SLC8A1: variants seen among roughly 807,000 people sequenced by gnomAD.
SLC8A1 encodes the protein sodium/calcium exchanger 1.
SLC8A1 carries 18 observed loss-of-function variants against 68.3 expected under a neutral mutation model. That is an observed-to-expected ratio of 0.26 (90% CI 0.18 to 0.39). The LOEUF is 0.39. SLC8A1 is among the 10% of genes least tolerant of loss of function. SLC8A1 has a pLI of 1.00. For synonymous variants in SLC8A1, 475 were observed against 415.5 expected (o/e 1.14, Z -1.74); for missense variants, 985 against 1,156.7 (o/e 0.85, Z 2.15).
At position 40,424,523 on chromosome 2, in the gene SLC8A1, C is replaced by T. The variant is rs148902681; in HGVS notation, c.1808+3950G>A. Among the ~76,000 whole-genome samples the T allele has an allele frequency of 2.4e-4, 36 of 151,760 alleles. No homozygotes were observed. The East Asian group carries it at 6.2e-3, about 26-fold the overall frequency. On this transcript the variant is annotated intron_variant, in intron 2 of 7. Coordinates refer to ENST00000406785, the Ensembl canonical transcript of SLC8A1. Reference sequence around the variant, plus strand: ...AGTAAAATGTGATATAAATATTGAGCATCAGACAGCTATATTGGTTAAGAT... The same window carrying T: ...AGTAAAATGTGATATAAATATTGAGTATCAGACAGCTATATTGGTTAAGAT...
At chr2:40,422,277 T>A (rs1695724665) in intron 2 of SLC8A1, among the ~76,000 whole-genome samples, 1 of 152,106 alleles carries the variant, frequency 6.6e-6, no homozygotes, top group African/African-American at 2.4e-5. Flanking sequence ...AAACAGTAAA[T>A]CTCCAATGGT....
chr2:40,155,010 T>A (rs1166343596), intron 6 of SLC8A1, among the ~76,000 whole-genome samples: 1 of 152,192 alleles, frequency 6.6e-6, no homozygotes, highest in Non-Finnish European at 1.5e-5. Context: ...ATTATGAATG[T>A]TGATATCACA....
intron 2 of SLC8A1, among the ~76,000 whole-genome samples, chr2:40,263,709 A>G (rs565265845): frequency 8.9e-4 from 136 of 152,276 alleles, no homozygotes; most frequent in Non-Finnish European, 1.5e-3. Flanking sequence ...ACAAAAATTA[A>G]TTCAAGATGG....
At chr2:40,436,722 C>T (rs547969472) in intron 1 of SLC8A1, among the ~76,000 whole-genome samples, 1 of 152,098 alleles carries the variant, frequency 6.6e-6, no homozygotes, top group Admixed American at 6.5e-5. Flanking sequence ...GGAAAGAACA[C>T]CAAGCATTTA....
intron 1 of SLC8A1, among the ~76,000 whole-genome samples, chr2:40,474,073 T>C (rs1419540020): frequency 1.3e-5 from 2 of 152,192 alleles, no homozygotes; most frequent in African/African-American, 4.8e-5. Flanking sequence ...GTCCTTTCTG[T>C]AGTGCAAATG....
chr2:40,466,760 T>C (rs1057334768), intron 1 of SLC8A1, among the ~76,000 whole-genome samples: 1 of 152,116 alleles, frequency 6.6e-6, no homozygotes, highest in Non-Finnish European at 1.5e-5. Context: ...GTCTTTTTTC[T>C]CCCTAAGGAG....
chr2:40,194,362 C>T (rs1204664863), intron 2 of SLC8A1, among the ~76,000 whole-genome samples: 1 of 151,482 alleles, frequency 6.6e-6, no homozygotes, highest in Non-Finnish European at 1.5e-5. Flanking sequence ...GAATTACAAC[C>T]AAGATGATAT....
intron 1 of SLC8A1, among the ~76,000 whole-genome samples, chr2:40,437,021 C>G (rs1398294271): frequency 1.3e-5 from 2 of 152,126 alleles, no homozygotes; most frequent in South Asian, 2.1e-4. Flanking sequence ...TTTGTATTCA[C>G]TGTCCCTGAC....
chr2:40,237,746 T>G, intron 2 of SLC8A1, among the ~76,000 whole-genome samples: 1 of 152,122 alleles, frequency 6.6e-6, no homozygotes, highest in Non-Finnish European at 1.5e-5. Context: ...TTATCTACTT[T>G]TGGTCTTTGA....
chr2:40,160,420 A>T (rs1264879342), intron 6 of SLC8A1, among the ~76,000 whole-genome samples: 1 of 151,930 alleles, frequency 6.6e-6, no homozygotes, highest in Non-Finnish European at 1.5e-5. Flanking sequence ...TTTTTTCTTG[A>T]CCTTGACTTG....
intron 1 of SLC8A1, among the ~76,000 whole-genome samples, chr2:40,445,784 C>G (rs1701326291): frequency 2.0e-5 from 3 of 152,164 alleles, no homozygotes; most frequent in South Asian, 4.1e-4. Context: ...CAAATTTCAG[C>G]TTTGAAGGGT....
chr2:40,288,853 G>GTA (rs779876861), intron 2 of SLC8A1, among the ~76,000 whole-genome samples: 3 of 121,626 alleles, frequency 2.5e-5, no homozygotes, highest in African/African-American at 4.6e-5. Context: ...ATATATATAT[G>GTA]TATATATATG....
chr2:40,459,502 G>T (rs577122577), intron 1 of SLC8A1, among the ~76,000 whole-genome samples: 3 of 152,258 alleles, frequency 2.0e-5, no homozygotes, highest in African/African-American at 7.2e-5. Context: ...GTACCACTGC[G>T]TTTTGGAGCA....
intron 2 of SLC8A1, among the ~76,000 whole-genome samples, chr2:40,420,410 C>CTGCATTCAT (rs1298791721): frequency 1.3e-5 from 2 of 150,254 alleles, no homozygotes; most frequent in Non-Finnish European, 3.0e-5. Context: ...CGAAGAAAAG[C>CTGCATTCAT]TGCATTCATT....
intron 2 of SLC8A1, among the ~76,000 whole-genome samples, chr2:40,380,163 C>T (rs551654646): frequency 9.9e-5 from 15 of 152,128 alleles, no homozygotes; most frequent in Admixed American, 2.0e-4. Flanking sequence ...AGAGGTAAAC[C>T]GAACAAGTAT....
At chr2:40,224,108 G>C (rs1024710196) in intron 2 of SLC8A1, among the ~76,000 whole-genome samples, 3 of 152,150 alleles carry the variant, frequency 2.0e-5, no homozygotes, top group African/African-American at 4.8e-5. Flanking sequence ...CATACATGAT[G>C]TTGCTCGGCA....
intron 2 of SLC8A1, among the ~76,000 whole-genome samples, chr2:40,333,722 C>T (rs899781783): frequency 6.6e-6 from 1 of 152,036 alleles, no homozygotes; most frequent in Non-Finnish European, 1.5e-5. Context: ...CACTTGTCCC[C>T]TATTAGTTTG....
At chr2:40,383,038 A>T (rs1208469117) in intron 2 of SLC8A1, among the ~76,000 whole-genome samples, 5 of 152,118 alleles carry the variant, frequency 3.3e-5, no homozygotes, top group Non-Finnish European at 5.9e-5. Flanking sequence ...AGTGCTTGGC[A>T]AATTAGGTAC....
chr2:40,363,337 G>GAT (rs1675140397), intron 2 of SLC8A1, among the ~76,000 whole-genome samples: 3 of 150,856 alleles, frequency 2.0e-5, no homozygotes, highest in African/African-American at 7.3e-5. Flanking sequence ...ACCACTGCAG[G>GAT]GATGATGATG....
Sources: gnomAD v4.1 joint callset for allele counts (sites outside exome capture counted in the v4.1 genomes callset) on GRCh38, gnomAD v4.1.1 for gene constraint, MANE v1.5 for transcripts, NCBI Gene and HGNC (gene_info 2026-07-23, HGNC 2026-07-21) for gene names.